The following NEGR1 variants were observed in gnomAD, a reference collection of about 807,000 sequenced individuals.
NEGR1 encodes the protein IgLON family member 4.
In NEGR1, 10 loss-of-function variants were observed where a neutral mutation model predicts 40.9. The observed-to-expected ratio is 0.24, with a 90% confidence interval of 0.15 to 0.42. The LOEUF is 0.42. Ranked by LOEUF, NEGR1 falls within the 10% of genes least tolerant of loss-of-function variation. The probability of loss-of-function intolerance (pLI) is 1.00; values close to 1 mark genes in which losing one functional copy is unlikely to be tolerated. For synonymous variants in NEGR1, 185 were observed against 166.8 expected (o/e 1.11, Z -0.84); for missense variants, 352 against 438.9 (o/e 0.80, Z 1.77).
At chr1:71,907,131 G>A (rs1211248541) in intron 2 of NEGR1, among the ~76,000 whole-genome samples, 1 of 152,084 alleles carries the variant, frequency 6.6e-6, no homozygotes, top group African/African-American at 2.4e-5. Flanking sequence ...ATGTTTACAA[G>A]AGAAAATATC....
intron 1 of NEGR1, among the ~76,000 whole-genome samples, chr1:71,994,332 T>A (rs1452622472): frequency 6.6e-6 from 1 of 151,896 alleles, no homozygotes; most frequent in African/African-American, 2.4e-5. Flanking sequence ...ATGGAAACCA[T>A]CCTGGCTAAC....
At chr1:71,728,250 T>C (rs1022227839) in intron 3 of NEGR1, among the ~76,000 whole-genome samples, 1 of 152,090 alleles carries the variant, frequency 6.6e-6, no homozygotes, top group Admixed American at 6.6e-5. Flanking sequence ...TCAATCAATA[T>C]ACAACCAACA....
chr1:72,080,399 T>C (rs553164669), intron 1 of NEGR1, among the ~76,000 whole-genome samples: 1 of 152,204 alleles, frequency 6.6e-6, no homozygotes, highest in Non-Finnish European at 1.5e-5. Flanking sequence ...TTTTATGTTC[T>C]TGGACAACAT....
intron 3 of NEGR1, among the ~76,000 whole-genome samples, chr1:71,730,569 T>A (rs796607674): frequency 3.9e-4 from 52 of 134,688 alleles, no homozygotes; most frequent in Non-Finnish European, 5.5e-4. Context: ...TAGTATAAAT[T>A]TATATATATA....
At chr1:71,503,616 G>A (rs991963156) in intron 6 of NEGR1, among the ~76,000 whole-genome samples, 1 of 152,168 alleles carries the variant, frequency 6.6e-6, no homozygotes, top group Non-Finnish European at 1.5e-5. Flanking sequence ...CTAGCATGTT[G>A]CCCCTTAGGG....
chr1:72,276,646 T>G (rs1210526347), intron 1 of NEGR1, among the ~76,000 whole-genome samples: 3 of 152,174 alleles, frequency 2.0e-5, no homozygotes, highest in Non-Finnish European at 2.9e-5. Flanking sequence ...TGCCTCAATA[T>G]TCTTATGGTT....
At chr1:71,552,312 TTATA>T (rs58719904) in intron 6 of NEGR1, among the ~76,000 whole-genome samples, 1 of 147,664 alleles carries the variant, frequency 6.8e-6, no homozygotes. Flanking sequence ...GGCCCTTCTA[TTATA>T]TATATATATA....
Position 71,397,317 on chromosome 1 carries a change from G to GTGTTC in NEGR1, c.*10124_*10128dup, listed in dbSNP as rs947690660. On this transcript the variant is annotated 3_prime_UTR_variant, in exon 7 of 7. Transcript: ENST00000357731. ...ACTTGGGTGTTGTTAAAGGCATTCA[G>GTGTTC]TGTTCTGTTCTGTTTTGTTTTGTTT... is the stretch of plus-strand genomic sequence containing the variant. The GTGTTC allele has an allele frequency of 1.3e-5, 2 of 154,516 alleles. No homozygotes were observed. Among genetic ancestry groups the GTGTTC allele is most frequent in the South Asian group, 2.1e-4 (1 of 4,870 alleles). 9.6% of individuals were successfully genotyped at this position (154,516 alleles called of 1,614,324 possible).
At chr1:72,115,351 T>C (rs953244468) in intron 1 of NEGR1, among the ~76,000 whole-genome samples, 1 of 151,766 alleles carries the variant, frequency 6.6e-6, no homozygotes, top group Admixed American at 6.6e-5. Context: ...CATTAGCTTT[T>C]ATACTGGTGT....
intron 1 of NEGR1, among the ~76,000 whole-genome samples, chr1:72,139,049 T>C (rs934805299): frequency 1.3e-5 from 2 of 151,770 alleles, no homozygotes; most frequent in African/African-American, 4.8e-5. Flanking sequence ...AAGAAAGATA[T>C]TTGAAAAATT....
intron 6 of NEGR1, among the ~76,000 whole-genome samples, chr1:71,561,168 C>T (rs944485568): frequency 2.6e-5 from 4 of 151,620 alleles, no homozygotes; most frequent in Non-Finnish European, 4.4e-5. Context: ...CAGCCTCCTG[C>T]TAGCCAATAC....
chr1:72,178,684 C>T (rs141374914), intron 1 of NEGR1, among the ~76,000 whole-genome samples: 3 of 151,258 alleles, frequency 2.0e-5, no homozygotes, highest in Non-Finnish European at 3.0e-5. Context: ...ACCTTGCCAG[C>T]GTCTGTTTTT....
At chr1:72,028,575 C>T (rs1646831440) in intron 1 of NEGR1, among the ~76,000 whole-genome samples, 1 of 152,220 alleles carries the variant, frequency 6.6e-6, no homozygotes, top group Admixed American at 6.5e-5. Flanking sequence ...GTTGCCTCAG[C>T]ACATCACACT....
At chr1:71,975,749 G>A (rs1382518379) in intron 1 of NEGR1, among the ~76,000 whole-genome samples, 2 of 152,090 alleles carry the variant, frequency 1.3e-5, no homozygotes, top group East Asian at 3.9e-4. Context: ...GACTGAAGGC[G>A]GGTTCTCTGT....
chr1:72,172,957 C>T (rs1652018127), intron 1 of NEGR1, among the ~76,000 whole-genome samples: 1 of 151,946 alleles, frequency 6.6e-6, no homozygotes, highest in South Asian at 2.1e-4. Flanking sequence ...CTGAATAATC[C>T]AGGAGAATTC....
At chr1:72,037,157 A>G (rs902587981) in intron 1 of NEGR1, among the ~76,000 whole-genome samples, 13 of 152,100 alleles carry the variant, frequency 8.5e-5, no homozygotes, top group African/African-American at 2.9e-4. Flanking sequence ...TCTTCCTTTG[A>G]TTTTTAAGTA....
At chr1:71,567,936 C>T (rs1034029980) in intron 6 of NEGR1, among the ~76,000 whole-genome samples, 2 of 152,006 alleles carry the variant, frequency 1.3e-5, no homozygotes, top group Admixed American at 6.6e-5. Flanking sequence ...GGCCCTCACC[C>T]GAACCTGACA....
chr1:71,874,196 C>T (rs1660361228), intron 2 of NEGR1, among the ~76,000 whole-genome samples: 1 of 152,048 alleles, frequency 6.6e-6, no homozygotes, highest in African/African-American at 2.4e-5. Flanking sequence ...TCCACTCTTG[C>T]TTATGAAGTT....
At chr1:71,773,460 T>A (rs1261395116) in intron 3 of NEGR1, among the ~76,000 whole-genome samples, 2 of 152,202 alleles carry the variant, frequency 1.3e-5, no homozygotes. Context: ...ATGCAAAATA[T>A]TGATATTTCT....
Sources: allele counts gnomAD v4.1 joint callset (sites outside exome capture counted in the v4.1 genomes callset), GRCh38; gene constraint gnomAD v4.1.1; transcripts MANE v1.5; gene names NCBI Gene and HGNC (gene_info 2026-07-23, HGNC 2026-07-21).